Variants in WARS1 observed in about 807,000 individuals in gnomAD.
WARS1 encodes tryptophan--tRNA ligase, cytoplasmic.
In WARS1, 17 loss-of-function variants were observed where a neutral mutation model predicts 47.8. The observed-to-expected ratio is 0.36, with a 90% CI of 0.24 to 0.53. The LOEUF (loss-of-function observed/expected upper bound fraction) is 0.53, where lower values mean the gene tolerates loss of function less well. Among genes scored for constraint, WARS1 ranks in the 20% least tolerant of loss-of-function variants. The pLI, the probability that WARS1 is intolerant of heterozygous loss-of-function variation, is 0.91. For missense variants in WARS1, 434 were observed against 608.0 expected (o/e 0.71, Z 3.01); for synonymous variants, 208 against 228.1 (o/e 0.91, Z 0.79).
intron 2 of WARS1, among the ~76,000 whole-genome samples, chr14:100,362,738 C>G (rs941206994): frequency 6.6e-6 from 1 of 152,216 alleles, no homozygotes; most frequent in Non-Finnish European, 1.5e-5. Context: ...AGAATATACA[C>G]AGCCCAATTT....
Position 100,361,875 on chromosome 14 carries a change from C to T in WARS1, c.146G>A (p.Ser49Asn). The T allele has an allele frequency of 6.2e-7, 1 of 1,614,194 alleles. No homozygotes were observed. The highest frequency in any genetic ancestry group is 8.5e-7 in the Non-Finnish European group (1 of 1,180,028). ...ATCCTCCCCCGCGGCAGCTTTGTAGCTCATTTTTAATGACACCAACATCTT... is the reference window on the plus strand; with the variant it reads ...ATCCTCCCCCGCGGCAGCTTTGTAGTTCATTTTTAATGACACCAACATCTT... Reference protein sequence around the residue: ...AVKMLVSLKMSYKAAAGEDYK... With the variant: ...AVKMLVSLKMNYKAAAGEDYK... The change falls in exon 3 of 11, where the codon AGC becomes AAC. Residue 49 changes from serine (S) to asparagine (N), a missense_variant. Physicochemically the swap from Ser to Asn is conservative, Grantham distance 46. Around this residue, in one of 2 missense-constraint regions of WARS1, gnomAD observed 87 missense variants for 84.2 expected, o/e 1.03. Transcript: ENST00000392882.
At chr14:100,349,644 A>C (rs918723983) in intron 6 of WARS1, among the ~76,000 whole-genome samples, 1 of 152,246 alleles carries the variant, frequency 6.6e-6, no homozygotes, top group African/African-American at 2.4e-5. Flanking sequence ...CAAGGGAACA[A>C]GACCAGGCAG....
chr14:100,344,364 C>T (rs1017297923), intron 7 of WARS1, among the ~76,000 whole-genome samples: 19 of 152,324 alleles, frequency 1.2e-4, no homozygotes, highest in East Asian at 9.7e-4. Context: ...GGATTGCAGA[C>T]GGAGTCTGGT....
At chr14:100,337,998 C>A (rs1277540669) in intron 9 of WARS1, among the ~76,000 whole-genome samples, 1 of 152,062 alleles carries the variant, frequency 6.6e-6, no homozygotes, top group African/African-American at 2.4e-5. Context: ...AAAGCAGTGG[C>A]CAGCCCCACA....
In WARS1 at chr14:100,366,677, G is replaced by T; in HGVS notation, c.99+2410C>A. On this transcript the variant is annotated intron_variant, in intron 2 of 10. Transcript: ENST00000392882. ...TGGACATCGTAAAATGGAACTTCTA[G>T]ATTACAGACAACGGAAGACAGAAGG... 3.8e-6 allele frequency: 3 copies of T among 781,074 alleles called. No individual in the cohort carries two copies. The South Asian group carries it at 4.0e-5, about 11-fold the overall frequency. 48.4% of individuals were successfully genotyped at this position (781,074 alleles called of 1,614,324 possible).
intron 2 of WARS1, among the ~76,000 whole-genome samples, chr14:100,364,511 A>T (rs1420643084): frequency 6.6e-6 from 1 of 152,242 alleles, no homozygotes; most frequent in African/African-American, 2.4e-5. Flanking sequence ...GTTAATTTTT[A>T]AAATTTCCAA....
intron 2 of WARS1, among the ~76,000 whole-genome samples, chr14:100,367,608 C>CA (rs35916618): frequency 0.025 from 736 of 29,510 alleles, 11 homozygotes; most frequent in Middle Eastern, 0.03. Flanking sequence ...GGTGGGGTGG[C>CA]AAAAAAAAAA....
chr14:100,346,916 A>C, intron 6 of WARS1, 70 bp from the exon 7 acceptor site: 2 of 1,387,334 alleles, frequency 1.4e-6, no homozygotes, highest in Non-Finnish European at 2.0e-6. Context: ...CACAGTTATT[A>C]AAATTGGATG....
chr14:100,344,504 C>A (rs1894397511), intron 7 of WARS1, among the ~76,000 whole-genome samples: 1 of 152,188 alleles, frequency 6.6e-6, no homozygotes, highest in African/African-American at 2.4e-5. Context: ...ATGGCCGCCA[C>A]CCCGTCTGGG....
At chr14:100,370,111 C>G (rs1049315336) in intron 1 of WARS1, among the ~76,000 whole-genome samples, 5 of 152,198 alleles carry the variant, frequency 3.3e-5, no homozygotes, top group Admixed American at 2.6e-4. Flanking sequence ...AGGGCCTTAC[C>G]TGTCCTAGGT....
At chr14:100,345,471 G>C (rs946536511) in intron 7 of WARS1, among the ~76,000 whole-genome samples, 24 of 151,896 alleles carry the variant, frequency 1.6e-4, no homozygotes, top group Admixed American at 3.3e-4. Context: ...CAGCATGCTC[G>C]TTAAGAGTCA....
In WARS1 at chr14:100,337,982, G is replaced by T. The variant is rs1893866319; in HGVS notation, c.1114-780C>A. On this transcript the variant is annotated intron_variant, in intron 9 of 10. Transcript: ENST00000392882. ...GGATAGGTACTGCAGTGTTAATGGGGACAGGAAAGCAGTGGCCAGCCCCAC... is the reference window on the plus strand; with the variant it reads ...GGATAGGTACTGCAGTGTTAATGGGTACAGGAAAGCAGTGGCCAGCCCCAC... 2.0e-5 allele frequency among the ~76,000 whole-genome samples: 3 copies of T among 152,198 alleles called. No homozygotes were observed. The South Asian group carries it at 6.2e-4, about 32-fold the overall frequency.
At chr14:100,362,333 T>C (rs1267769036) in intron 2 of WARS1, among the ~76,000 whole-genome samples, 2 of 152,194 alleles carry the variant, frequency 1.3e-5, no homozygotes, top group East Asian at 3.8e-4. Context: ...AGTTCTGCAT[T>C]GGAACTAGTT....
At chr14:100,338,164 A>G (rs549376253) in intron 9 of WARS1, among the ~76,000 whole-genome samples, 1 of 152,366 alleles carries the variant, frequency 6.6e-6, no homozygotes, top group African/African-American at 2.4e-5. Context: ...GACTTTTAGG[A>G]ATTGTTAAAG....
At chr14:100,365,022 C>T (rs1210287440) in intron 2 of WARS1, among the ~76,000 whole-genome samples, 1 of 151,690 alleles carries the variant, frequency 6.6e-6, no homozygotes, top group East Asian at 1.9e-4. Context: ...ATTCCAGCAA[C>T]TTGGCAGGCT....
chr14:100,364,995 A>G (rs1895868658), intron 2 of WARS1, among the ~76,000 whole-genome samples: 1 of 152,036 alleles, frequency 6.6e-6, no homozygotes. Flanking sequence ...AGCTGGGTGC[A>G]GTGGCTTGCA....
At chr14:100,344,525 C>T (rs1158499909) in intron 7 of WARS1, among the ~76,000 whole-genome samples, 1 of 152,056 alleles carries the variant, frequency 6.6e-6, no homozygotes, top group Non-Finnish European at 1.5e-5. Flanking sequence ...AAGTGAGGAG[C>T]GTCTCTGCCT....
chr14:100,334,774 C>A lies in WARS1; in HGVS notation c.*101G>T. 7.0e-7 allele frequency: 1 copy of A among 1,423,762 alleles called. No homozygotes were observed. Among genetic ancestry groups the A allele is most frequent in the Admixed American group, 1.9e-5 (1 of 51,710 alleles). 88.2% of individuals were successfully genotyped at this position (1,423,762 alleles called of 1,614,324 possible). A position where few individuals can be genotyped will look rare whatever the true frequency, so the allele number is the denominator to read the frequency against. On this transcript the variant is annotated 3_prime_UTR_variant, in exon 11 of 11. Coordinates refer to ENST00000392882, the MANE Select transcript of WARS1 (RefSeq NM_004184.4). ...TACAGAGGCCAGGCCCAGTAATTAC[C>A]ATGAGACAGAAGCCTACAGGTGGCG...
chr14:100,352,183 C>T (rs1176703865), intron 6 of WARS1, among the ~76,000 whole-genome samples: 4 of 133,018 alleles, frequency 3.0e-5, no homozygotes, highest in Non-Finnish European at 6.2e-5. Context: ...ATGATCTCGG[C>T]TCACTGCAAC....
Sources: allele counts gnomAD v4.1 joint callset (sites outside exome capture counted in the v4.1 genomes callset), GRCh38; gene constraint gnomAD v4.1.1; regional missense constraint gnomAD v4.1.1; transcripts MANE v1.5; gene names NCBI Gene and HGNC (gene_info 2026-07-23, HGNC 2026-07-21).